CDK14: variants seen among roughly 807,000 people sequenced by gnomAD.
CDK14 encodes the protein cyclin-dependent kinase 14.
CDK14 carries 34 observed loss-of-function variants against 60.7 expected under a neutral mutation model. The ratio of observed to expected loss-of-function variants is 0.56; its 90% CI spans 0.43 to 0.75. The LOEUF is 0.75. Ranked by LOEUF, CDK14 falls within the 30% of genes least tolerant of loss-of-function variation. The pLI is 0.00. For synonymous variants in CDK14, 197 were observed against 203.7 expected (o/e 0.97, Z 0.28); for missense variants, 482 against 564.1 (o/e 0.85, Z 1.47).
intron 6 of CDK14, among the ~76,000 whole-genome samples, chr7:90,888,823 TAAA>T (rs1230821048): frequency 1.3e-5 from 2 of 152,244 alleles, no homozygotes; most frequent in Non-Finnish European, 2.9e-5. Flanking sequence ...CTCATTCCTC[TAAA>T]AAATCAGCCT....
chr7:90,711,236 G>A (rs1802048338), intron 2 of CDK14, among the ~76,000 whole-genome samples: 1 of 152,036 alleles, frequency 6.6e-6, no homozygotes, highest in Admixed American at 6.6e-5. Flanking sequence ...TTCACTATGA[G>A]TAAATTTCTT....
At chr7:90,623,047 C>T (rs1479763588) in intron 2 of CDK14, among the ~76,000 whole-genome samples, 1 of 150,166 alleles carries the variant, frequency 6.7e-6, no homozygotes, top group Non-Finnish European at 1.5e-5. Flanking sequence ...AATAGCATGC[C>T]ATTTGTCAGC....
intron 10 of CDK14, among the ~76,000 whole-genome samples, chr7:91,033,320 T>C (rs1308870761): frequency 2.0e-5 from 3 of 152,132 alleles, no homozygotes; most frequent in African/African-American, 4.8e-5. Flanking sequence ...ACCACAGAAC[T>C]TGAAATTGCC....
At chr7:90,954,327 G>A (rs897847906) in intron 8 of CDK14, among the ~76,000 whole-genome samples, 6 of 152,044 alleles carry the variant, frequency 3.9e-5, no homozygotes, top group Non-Finnish European at 7.4e-5. Context: ...ACATTAAAAT[G>A]AATATGTTAT....
At chr7:91,206,806 T>A (rs1208216948) in intron 14 of CDK14, among the ~76,000 whole-genome samples, 1 of 152,220 alleles carries the variant, frequency 6.6e-6, no homozygotes, top group Non-Finnish European at 1.5e-5. Context: ...GTCCTTTTAA[T>A]GGTCTGTATG....
intron 6 of CDK14, among the ~76,000 whole-genome samples, chr7:90,884,674 A>C (rs989371309): frequency 1.3e-5 from 2 of 152,160 alleles, no homozygotes; most frequent in Non-Finnish European, 2.9e-5. Flanking sequence ...ACGCTACCTG[A>C]CTTCAAACTA....
rs553347463 is a variant in CDK14, at chr7:91,104,847, G to C, written c.1155-7695G>C. Among the ~76,000 whole-genome samples the C allele has an allele frequency of 5.3e-5, 8 of 152,292 alleles. No homozygotes were observed. In the South Asian group the frequency reaches 1.7e-3, roughly 32 times the overall value. On this transcript the variant is annotated intron_variant, in intron 12 of 14. Coordinates refer to ENST00000380050, the MANE Select transcript of CDK14 (RefSeq NM_001287135.2). ...ACCTAACAGAATTAGTTTTAAAAGA[G>C]AGAGATGGGGCAATGAAAGAATACC...
At chr7:90,958,890 C>G (rs1316919710) in intron 9 of CDK14, among the ~76,000 whole-genome samples, 1 of 152,088 alleles carries the variant, frequency 6.6e-6, no homozygotes, top group Non-Finnish European at 1.5e-5. Context: ...ATTCTACCCT[C>G]AGAACATTTT....
chr7:90,880,184 A>G (rs1220107873), intron 6 of CDK14, among the ~76,000 whole-genome samples: 2 of 152,190 alleles, frequency 1.3e-5, no homozygotes, highest in Admixed American at 6.5e-5. Flanking sequence ...ACTGCCAAAC[A>G]TGCTAAGCTC....
chr7:90,829,200 G>T (rs902112321), intron 5 of CDK14, among the ~76,000 whole-genome samples: 1 of 152,016 alleles, frequency 6.6e-6, no homozygotes, highest in Non-Finnish European at 1.5e-5. Context: ...ATGGGATTTG[G>T]GTGGGGACAC....
chr7:91,047,101 A>G (rs1248482276), intron 11 of CDK14, among the ~76,000 whole-genome samples: 5 of 152,192 alleles, frequency 3.3e-5, no homozygotes, highest in Admixed American at 6.5e-5. Flanking sequence ...TTTTTTAAGC[A>G]ACTAAGAGGC....
At chr7:91,001,278 A>G in intron 10 of CDK14, among the ~76,000 whole-genome samples, 1 of 152,182 alleles carries the variant, frequency 6.6e-6, no homozygotes, top group East Asian at 1.9e-4. Flanking sequence ...TTGAAGACAT[A>G]TTGATGCTGA....
intron 11 of CDK14, among the ~76,000 whole-genome samples, chr7:91,051,089 G>C (rs1453159904): frequency 6.6e-6 from 1 of 152,150 alleles, no homozygotes; most frequent in Non-Finnish European, 1.5e-5. Context: ...GGGAAAATAT[G>C]TACAGTAATA....
At chr7:90,698,067 CAAAAAAAA>C (rs71104484) in intron 2 of CDK14, among the ~76,000 whole-genome samples, 2 of 75,746 alleles carry the variant, frequency 2.6e-5, no homozygotes, top group African/African-American at 1.1e-4. Context: ...GACTCTGTCT[CAAAAAAAA>C]AAAAAAAAAA....
chr7:90,816,976 C>T (rs905061587), intron 5 of CDK14, among the ~76,000 whole-genome samples: 14 of 152,120 alleles, frequency 9.2e-5, no homozygotes, highest in Non-Finnish European at 1.3e-4. Context: ...AGAAGATGGT[C>T]AGAGATCTGG....
chr7:90,812,836 C>G (rs536348087), intron 5 of CDK14, among the ~76,000 whole-genome samples: 22 of 152,248 alleles, frequency 1.4e-4, no homozygotes, highest in Admixed American at 1.4e-3. Context: ...GTGGTACCCC[C>G]ACTTTGGAAA....
intron 2 of CDK14, among the ~76,000 whole-genome samples, chr7:90,665,668 G>GAA (rs751678925): frequency 6.6e-6 from 1 of 152,176 alleles, no homozygotes; most frequent in East Asian, 1.9e-4. Flanking sequence ...AGGCATCAGG[G>GAA]AAAAAGAAGA....
intron 14 of CDK14, among the ~76,000 whole-genome samples, chr7:91,199,838 G>T (rs1445332020): frequency 1.3e-5 from 2 of 152,216 alleles, no homozygotes; most frequent in East Asian, 3.9e-4. Context: ...TGAATGATGG[G>T]CCTTCTGTTA....
intron 5 of CDK14, among the ~76,000 whole-genome samples, chr7:90,793,891 A>G (rs117183912): frequency 0.014 from 2,207 of 152,266 alleles, 21 homozygotes; most frequent in Middle Eastern, 0.027. Flanking sequence ...AGTATATGCT[A>G]TTTGGCCCTT....
Sources: allele counts gnomAD v4.1 joint callset (sites outside exome capture counted in the v4.1 genomes callset), GRCh38; gene constraint gnomAD v4.1.1; transcripts MANE v1.5; gene names NCBI Gene and HGNC (gene_info 2026-07-23, HGNC 2026-07-21).